The following OSBPL1A variants were observed in gnomAD, a reference collection of about 807,000 sequenced individuals.
OSBPL1A encodes oxysterol-binding protein-related protein 1.
Under a neutral mutation model 137.1 loss-of-function variants are expected in OSBPL1A, and 80 were observed. The ratio of observed to expected loss-of-function variants is 0.58; its 90% CI spans 0.49 to 0.70. The LOEUF (loss-of-function observed/expected upper bound fraction) is 0.70. Ranked by LOEUF, OSBPL1A falls within the 30% of genes least tolerant of loss-of-function variation. The probability of loss-of-function intolerance (pLI) is 0.00; values close to 1 mark genes in which losing one functional copy is unlikely to be tolerated. For synonymous variants in OSBPL1A, 365 were observed against 389.7 expected, an observed-to-expected ratio of 0.94 and a Z score of 0.75; for missense variants, 970 against 1,129.4, an observed-to-expected ratio of 0.86 and a Z score of 2.02.
chr18:24,269,450 C>T (rs748178482), intron 15 of OSBPL1A, among the ~76,000 whole-genome samples: 3 of 152,080 alleles, frequency 2.0e-5, no homozygotes, highest in Non-Finnish European at 4.4e-5. Context: ...TCACCTGACG[C>T]CGGTATAAGT....
intron 5 of OSBPL1A, among the ~76,000 whole-genome samples, chr18:24,335,513 G>A (rs565900361): frequency 3.6e-4 from 55 of 152,240 alleles, no homozygotes; most frequent in South Asian, 8.3e-4. Context: ...GGAATATGTC[G>A]GTAAGATCTA....
intron 15 of OSBPL1A, among the ~76,000 whole-genome samples, chr18:24,263,424 CAA>C (rs1567985354): frequency 6.6e-6 from 1 of 151,960 alleles, no homozygotes; most frequent in Non-Finnish European, 1.5e-5. Flanking sequence ...TTACCAAAAA[CAA>C]AAAACAATAA....
chr18:24,385,776 G>A (rs1906925634), intron 1 of OSBPL1A, among the ~76,000 whole-genome samples: 1 of 152,152 alleles, frequency 6.6e-6, no homozygotes, highest in Admixed American at 6.5e-5. Flanking sequence ...GTGAATGGGG[G>A]ATAAAAAGGA....
intron 7 of OSBPL1A, among the ~76,000 whole-genome samples, chr18:24,331,586 C>T (rs1407723873): frequency 4.0e-5 from 6 of 151,188 alleles, no homozygotes; most frequent in South Asian, 2.1e-4. Context: ...TTAGTAGAGA[C>T]GGGGTTTCAC....
intron 7 of OSBPL1A, among the ~76,000 whole-genome samples, chr18:24,322,955 T>C (rs1383359353): frequency 4.6e-5 from 7 of 152,200 alleles, no homozygotes; most frequent in African/African-American, 1.7e-4. Context: ...TATTTAAAAG[T>C]TTGCATGACA....
At chr18:24,173,122 T>C (rs1374941089) in intron 21 of OSBPL1A, among the ~76,000 whole-genome samples, 2 of 152,160 alleles carry the variant, frequency 1.3e-5, no homozygotes, top group Non-Finnish European at 2.9e-5. Flanking sequence ...CTGGAGTCCA[T>C]TATTCTTAGC....
rs143569124 is a variant in OSBPL1A at position 24,228,901 on chromosome 18, A to T, written c.1445-3703T>A. Among the ~76,000 whole-genome samples, 50 of 152,266 alleles carry T rather than the reference A, an allele frequency of 3.3e-4. 1 individual carries two copies. In the East Asian group the frequency reaches 8.7e-3, roughly 26 times the overall value. ...AGTCTTAAAGCTGACTACATAGGAT[A>T]AATAAAAAGCAAACACAGGCTGGGC... On this transcript the variant is annotated intron_variant, in intron 16 of 27. Transcript: ENST00000319481.
intron 1 of OSBPL1A, among the ~76,000 whole-genome samples, chr18:24,388,973 A>T (rs1907135479): frequency 6.6e-6 from 1 of 152,214 alleles, no homozygotes; most frequent in Non-Finnish European, 1.5e-5. Flanking sequence ...AGAAACTTCA[A>T]GATTGATTTT....
chr18:24,278,025 A>G (rs2089882897), intron 15 of OSBPL1A, among the ~76,000 whole-genome samples: 1 of 152,230 alleles, frequency 6.6e-6, no homozygotes, highest in Admixed American at 6.5e-5. Context: ...GTTGATGCCC[A>G]CACCCAACTC....
At chr18:24,194,155 A>G (rs77755828) in intron 18 of OSBPL1A, among the ~76,000 whole-genome samples, 4,152 of 152,334 alleles carry the variant, frequency 0.027, 86 homozygotes, top group African/African-American at 0.05. Flanking sequence ...TGTATATTCT[A>G]AAGTGGCCAA....
At chr18:24,267,789 T>C (rs1276382489) in intron 15 of OSBPL1A, among the ~76,000 whole-genome samples, 1 of 151,806 alleles carries the variant, frequency 6.6e-6, no homozygotes, top group Non-Finnish European at 1.5e-5. Flanking sequence ...ATCTGGTAAA[T>C]GGTATTTGTT....
intron 5 of OSBPL1A, among the ~76,000 whole-genome samples, chr18:24,339,990 A>C (rs2091246622): frequency 1.3e-5 from 2 of 152,200 alleles, no homozygotes; most frequent in Admixed American, 1.3e-4. Flanking sequence ...TGAAAATTTA[A>C]ATTAAGAAAT....
At chr18:24,354,546 CA>C (rs1399691868) in intron 4 of OSBPL1A, among the ~76,000 whole-genome samples, 1 of 151,848 alleles carries the variant, frequency 6.6e-6, no homozygotes, top group Admixed American at 6.6e-5. Context: ...ATCATAGCAA[CA>C]GAGATAAATG....
Position 24,243,185 on chromosome 18 carries a change from C to T in OSBPL1A, c.1282-3803G>A, listed in dbSNP as rs115570322. ...AGGTTGCAGTGAGCTGAGATCACGC[C>T]GTCGCACTCCAGCCTGAGCAACAGG... is the stretch of plus-strand genomic sequence containing the variant. On this transcript the variant is annotated intron_variant, in intron 15 of 27. Transcript: ENST00000319481. Among the ~76,000 whole-genome samples, 1,049 of 152,134 alleles carry T rather than the reference C, an allele frequency of 6.9e-3. 19 individuals carry two copies. Among genetic ancestry groups the T allele is most frequent in the African/African-American group, 0.024 (995 of 41,466 alleles).
intron 17 of OSBPL1A, among the ~76,000 whole-genome samples, chr18:24,216,195 C>G (rs548096916): frequency 6.6e-6 from 1 of 152,158 alleles, no homozygotes; most frequent in Admixed American, 6.5e-5. Context: ...ACCAGACACG[C>G]CTTTGTATTC....
intron 1 of OSBPL1A, among the ~76,000 whole-genome samples, chr18:24,378,105 G>A (rs1906329947): frequency 6.6e-6 from 1 of 151,960 alleles, no homozygotes; most frequent in Non-Finnish European, 1.5e-5. Flanking sequence ...TTCTTATCAA[G>A]CCCCAAACCA....
chr18:24,198,100 T>C (rs934985089), intron 17 of OSBPL1A, among the ~76,000 whole-genome samples: 2 of 152,154 alleles, frequency 1.3e-5, no homozygotes, highest in Non-Finnish European at 1.5e-5. Context: ...ATTTTCCTTC[T>C]ACTGTCTTGG....
At chr18:24,377,153 G>A (rs1906237406) in intron 2 of OSBPL1A, among the ~76,000 whole-genome samples, 1 of 152,214 alleles carries the variant, frequency 6.6e-6, no homozygotes, top group African/African-American at 2.4e-5. Flanking sequence ...CCTCTCAATA[G>A]GATGTATCCT....
chr18:24,380,706 C>G (rs1435977655), intron 1 of OSBPL1A, among the ~76,000 whole-genome samples: 1 of 152,218 alleles, frequency 6.6e-6, no homozygotes, highest in African/African-American at 2.4e-5. Context: ...AATCCCAACA[C>G]TTTGGGAGAC....
Sources: allele counts gnomAD v4.1 joint callset (sites outside exome capture counted in the v4.1 genomes callset), GRCh38; gene constraint gnomAD v4.1.1; transcripts MANE v1.5; gene names NCBI Gene and HGNC (gene_info 2026-07-23, HGNC 2026-07-21).